Variants in BSN observed in about 807,000 individuals in gnomAD.
The protein encoded by BSN is bassoon presynaptic cytomatrix protein.
BSN carries 57 observed loss-of-function variants against 264.8 expected under a neutral mutation model. That is an observed-to-expected ratio of 0.22 (90% CI 0.17 to 0.27). The LOEUF (loss-of-function observed/expected upper bound fraction) is 0.27, where lower values mean the gene tolerates loss of function less well. Ranked by LOEUF, BSN falls within the 10% of genes least tolerant of loss-of-function variation. BSN has a pLI of 1.00. For missense variants in BSN, 4,615 were observed against 5,232.5 expected (o/e 0.88, Z 3.64); for synonymous variants, 2,059 against 2,137.3 (o/e 0.96, Z 1.01).
chr3:49,605,678 T>C (rs1486131087), intron 1 of BSN, among the ~76,000 whole-genome samples: 1 of 57,426 alleles, frequency 1.7e-5, no homozygotes, highest in African/African-American at 7.2e-5. Flanking sequence ...ATTACATATA[T>C]GTAATATATA....
intron 1 of BSN, among the ~76,000 whole-genome samples, chr3:49,559,911 C>T (rs2051700009): frequency 6.6e-6 from 1 of 152,188 alleles, no homozygotes; most frequent in Non-Finnish European, 1.5e-5. Flanking sequence ...CATGGAGAGG[C>T]TGAGAGTTCA....
intron 1 of BSN, among the ~76,000 whole-genome samples, chr3:49,574,918 A>T (rs1457642239): frequency 6.6e-6 from 1 of 152,060 alleles, no homozygotes; most frequent in Non-Finnish European, 1.5e-5. Flanking sequence ...GATTACAGGC[A>T]TGAGCCACCG....
Position 49,656,832 on chromosome 3 carries a change from G to A in BSN, c.7276G>A (p.Val2426Met). 6.2e-7 allele frequency: 1 copy of A among 1,600,390 alleles called. No homozygotes were observed. Among genetic ancestry groups the A allele is most frequent in the Non-Finnish European group, 8.5e-7 (1 of 1,174,140 alleles). The change falls in exon 5 of 12, where the codon GTG becomes ATG. Residue 2426 changes from valine to methionine, a missense_variant. Physicochemically the swap from Val to Met is conservative, Grantham distance 21. Around this residue, in one of 3 missense-constraint regions of BSN, gnomAD observed 3,415 missense variants for 3,866.4 expected, o/e 0.88. Transcript: ENST00000296452. ...LQELQTIKHH[V>M]LQQQQEERQA... ...GGAGCTGCAGACCATCAAGCACCAT[G>A]TGCTGCAGCAGCAGCAAGAGGAACG...
chr3:49,554,963 A>G, intron 1 of BSN, 137 bp downstream of exon 1: 1 of 496,488 alleles, frequency 2.0e-6, no homozygotes, highest in Non-Finnish European at 3.0e-6. Context: ...GATTGGCGTG[A>G]ACTGGGTGGT....
chr3:49,656,971 G>C lies in BSN; in HGVS notation c.7415G>C (p.Arg2472Pro). 6.2e-7 allele frequency: 1 copy of C among 1,607,922 alleles called. No individual in the cohort carries two copies. The highest frequency in any genetic ancestry group is 8.5e-7 in the Non-Finnish European group (1 of 1,176,592). Reference sequence around the variant, plus strand: ...CAGCAGCTAGAGGAGCAGAAGCAGCGGCAGAAGGCTCCCTTTCCTGCAGCC... The same window carrying C: ...CAGCAGCTAGAGGAGCAGAAGCAGCCGCAGAAGGCTCCCTTTCCTGCAGCC... ...LQQQLEEQKQ[R>P]QKAPFPAACE... Residue 2472 changes from arginine to proline, a missense_variant, in exon 5 of 12, where the codon CGG becomes CCG. Coordinates refer to ENST00000296452, the MANE Select transcript of BSN (RefSeq NM_003458.4).
rs1391624194 is a variant in BSN, at chr3:49,667,843, G to A, written c.*358G>A. On this transcript the variant is annotated 3_prime_UTR_variant, in exon 12 of 12. Transcript: ENST00000296452. ...AGAAACCCTGCCACCATGGTGTCTTGCCGTACTTCCCACAGCCGCCTTTTT... is the reference window on the plus strand; with the variant it reads ...AGAAACCCTGCCACCATGGTGTCTTACCGTACTTCCCACAGCCGCCTTTTT... 6.6e-6 allele frequency: 1 copy of A among 152,458 alleles called. No individual in the cohort carries two copies. Among genetic ancestry groups the A allele is most frequent in the African/African-American group, 2.4e-5 (1 of 41,444 alleles). The allele number at this position is 152,458 out of a possible 1,614,324, so 9.4% of individuals were successfully genotyped here.
At chr3:49,608,390 G>T (rs1300994279) in intron 1 of BSN, among the ~76,000 whole-genome samples, 3 of 152,244 alleles carry the variant, frequency 2.0e-5, no homozygotes, top group Admixed American at 2.0e-4. Flanking sequence ...AGTGGTGGAT[G>T]GCTTTCCTTT....
chr3:49,602,464 T>A (rs1291226888), intron 1 of BSN, among the ~76,000 whole-genome samples: 1 of 151,374 alleles, frequency 6.6e-6, no homozygotes, highest in Non-Finnish European at 1.5e-5. Flanking sequence ...TTTTTTTTTT[T>A]AGCCAGAGTC....
At chr3:49,575,447 T>C (rs1047251363) in intron 1 of BSN, among the ~76,000 whole-genome samples, 7 of 147,904 alleles carry the variant, frequency 4.7e-5, no homozygotes, top group African/African-American at 1.5e-4. Context: ...AATATATATG[T>C]GTGTATATAT....
At chr3:49,604,834 C>A (rs1273179822) in intron 1 of BSN, among the ~76,000 whole-genome samples, 1 of 151,872 alleles carries the variant, frequency 6.6e-6, no homozygotes, top group Non-Finnish European at 1.5e-5. Flanking sequence ...CCTGACTACA[C>A]CCCTTCAGCC....
chr3:49,636,715 T>G (rs1454349663), intron 2 of BSN, among the ~76,000 whole-genome samples: 5 of 152,232 alleles, frequency 3.3e-5, no homozygotes, highest in Admixed American at 2.6e-4. Flanking sequence ...CTCCCCTGGC[T>G]GGTCCAGCTC....
rs936106751 is a variant in BSN at position 49,660,041 on chromosome 3, T to C, written c.8641-445T>C. Among the ~76,000 whole-genome samples the C allele has an allele frequency of 7.2e-5, 11 of 152,110 alleles. No homozygotes were observed. The highest frequency in any genetic ancestry group is 2.7e-4 in the African/African-American group (11 of 41,412). ...GGAGCCTGGCGGGCCCAGGACCCTCTCCACTCCATGCCTCCTGTTCATACT... is the reference window on the plus strand; with the variant it reads ...GGAGCCTGGCGGGCCCAGGACCCTCCCCACTCCATGCCTCCTGTTCATACT... On this transcript the variant is annotated intron_variant, in intron 5 of 11. Transcript: ENST00000296452. The surrounding 1 kb of genome is among the most constrained non-coding windows in gnomAD (Gnocchi z 7.1).
At chr3:49,618,040 G>T (rs1439784169) in intron 1 of BSN, among the ~76,000 whole-genome samples, 3 of 152,006 alleles carry the variant, frequency 2.0e-5, no homozygotes, top group Non-Finnish European at 2.9e-5. Context: ...TCCTTTCCCT[G>T]ACTTCTCTGG....
In BSN at chr3:49,651,896, C is replaced by T. The variant is rs2052544382; in HGVS notation, c.2340C>T (p.Ile780=). Residue 780 remains isoleucine, a synonymous_variant, in exon 5 of 12, where the codon ATC becomes ATT. Coordinates refer to ENST00000296452, the MANE Select transcript of BSN (RefSeq NM_003458.4). The surrounding 1 kb of genome is among the most constrained non-coding windows in gnomAD (Gnocchi z 5.4). ...ACTCTGATGAGGAGCTGGAGGATATCCTGGAGGAAGACGAAGACTCTGCTG... is the reference window on the plus strand; with the variant it reads ...ACTCTGATGAGGAGCTGGAGGATATTCTGGAGGAAGACGAAGACTCTGCTG... ...AFDSDEELED[I]LEEDEDSAEW... is the part of the protein sequence containing the mutation. 2 of 1,613,960 alleles carry T rather than the reference C, an allele frequency of 1.2e-6. No individual in the cohort carries two copies. Among genetic ancestry groups the T allele is most frequent in the East Asian group, 4.5e-5 (2 of 44,878 alleles).
intron 1 of BSN, 118 bp from the exon 2 acceptor site, chr3:49,624,857 C>T: frequency 1.1e-6 from 1 of 949,838 alleles, no homozygotes; most frequent in Non-Finnish European, 1.5e-6. Context: ...GATGATTCTT[C>T]TGGGCAGGAG....
chr3:49,586,792 A>G (rs1284817640), intron 1 of BSN, among the ~76,000 whole-genome samples: 3 of 152,190 alleles, frequency 2.0e-5, no homozygotes, highest in African/African-American at 4.8e-5. Context: ...TGCCAGTACA[A>G]TGTTGTTTTG....
chr3:49,650,638 C>T lies in BSN; in HGVS notation c.1545C>T (p.Cys515=). The change falls in exon 4 of 12, where the codon TGC becomes TGT. Residue 515 remains cysteine, a synonymous_variant. Transcript: ENST00000296452. The part of the protein sequence containing the change: ...VEKTEWLCLN[C]QTKRLLEGSL... ...AAACAGAGTGGCTCTGTCTGAACTG[C>T]CAAACCAAGCGGCTACTGGAGGGCA... The T allele has an allele frequency of 6.2e-7, 1 of 1,606,312 alleles. No homozygotes were observed. The highest frequency in any genetic ancestry group is 8.5e-7 in the Non-Finnish European group (1 of 1,177,976).
intron 3 of BSN, among the ~76,000 whole-genome samples, chr3:49,649,505 G>A (rs987215624): frequency 1.3e-5 from 2 of 152,218 alleles, no homozygotes; most frequent in Admixed American, 1.3e-4. Context: ...ATCCTGCCAA[G>A]GAGGAGCCCT....
rs142091433 is a variant in BSN, at chr3:49,665,865, G to A, written c.*104+547G>A. 2.5e-3 allele frequency among the ~76,000 whole-genome samples: 376 copies of A among 152,384 alleles called. 1 individual carries two copies. Among genetic ancestry groups the A allele is most frequent in the Middle Eastern group, 0.01 (3 of 294 alleles). ...AAAGGGAGTCTCAGCCCCAGACTAA[G>A]TCAGCTCAGGGAGAGGGCAGAAGGG... On this transcript the variant is annotated intron_variant, in intron 11 of 11. Transcript: ENST00000296452.
Sources: gnomAD v4.1 joint callset for allele counts (sites outside exome capture counted in the v4.1 genomes callset) on GRCh38, gnomAD v4.1.1 for gene constraint, gnomAD v4.1.1 regional missense constraint, Gnocchi (gnomAD v3.1) non-coding constraint, MANE v1.5 for transcripts, NCBI Gene and HGNC (gene_info 2026-07-23, HGNC 2026-07-21) for gene names.